Variants in ATP2A2 observed in about 807,000 individuals in gnomAD.
ATP2A2 encodes ATPase sarcoplasmic/endoplasmic reticulum Ca2+ transporting 2, also known as sarcoplasmic/endoplasmic reticulum calcium ATPase 2.
Under a neutral mutation model 109.3 loss-of-function variants are expected in ATP2A2, and 14 were observed. The observed-to-expected ratio is 0.13, with a 90% confidence interval of 0.08 to 0.20. The LOEUF (loss-of-function observed/expected upper bound fraction) is 0.20. Ranked by LOEUF, ATP2A2 falls within the 10% of genes least tolerant of loss-of-function variation. The pLI is 1.00. For missense variants in ATP2A2, 657 were observed against 1,321.6 expected (o/e 0.50, Z 7.80); for synonymous variants, 506 against 490.9 (o/e 1.03, Z -0.41).
At position 110,342,818 on chromosome 12, in the gene ATP2A2, C is replaced by T. The variant is rs1414476764; in HGVS notation, c.2318+370C>T. Among the ~76,000 whole-genome samples, 1 of 152,092 alleles carries T rather than the reference C, an allele frequency of 6.6e-6. No individual in the cohort carries two copies. The highest frequency in any genetic ancestry group is 2.4e-5 in the African/African-American group (1 of 41,406). ...GTCGCCCAGGCTTCGGGCAGTGGCA[C>T]GATCTCAGCTCACTGTCCCCTCCAC... On this transcript the variant is annotated intron_variant, in intron 15 of 19. Transcript: ENST00000539276. The surrounding 1 kb of genome is among the most constrained non-coding windows in gnomAD (Gnocchi z 4.6).
chr12:110,350,334 T>A lies in ATP2A2; in HGVS notation c.*3864T>A, dbSNP rs138115063. The stretch of plus-strand genomic sequence containing the variant: ...CTTCCTAAACCATTTTGCAGAAATG[T>A]AAGGGTGTTCGGTTGCGTGCATGTG... On this transcript the variant is annotated 3_prime_UTR_variant, in exon 20 of 20. Transcript: ENST00000539276. 2.0e-4 allele frequency: 322 copies of A among 1,614,172 alleles called. No homozygotes were observed. The African/African-American group carries it at 4.0e-3, about 20-fold the overall frequency.
At chr12:110,304,519 C>T (rs1444891680) in intron 5 of ATP2A2, among the ~76,000 whole-genome samples, 1 of 152,134 alleles carries the variant, frequency 6.6e-6, no homozygotes, top group Non-Finnish European at 1.5e-5. Flanking sequence ...ACGTCCGTTT[C>T]CCTAATTTCT....
rs1880154703 is a variant in ATP2A2, at chr12:110,349,063, C to G, written c.*2593C>G. On this transcript the variant is annotated 3_prime_UTR_variant, in exon 20 of 20. Transcript: ENST00000539276. The stretch of plus-strand genomic sequence containing the variant: ...TTTCTCAGCTTCAGACCCCTCCAGC[C>G]CACAGAGGAGCCCATGGAGGGACCC... 1.0e-6 allele frequency: 1 copy of G among 985,400 alleles called. No homozygotes were observed. Among genetic ancestry groups the G allele is most frequent in the Non-Finnish European group, 1.2e-6 (1 of 830,018 alleles). 61.0% of individuals were successfully genotyped at this position (985,400 alleles called of 1,614,324 possible).
chr12:110,316,685 G>A (rs867909178), intron 5 of ATP2A2, among the ~76,000 whole-genome samples: 2 of 152,158 alleles, frequency 1.3e-5, no homozygotes, highest in South Asian at 4.1e-4. Flanking sequence ...AAGACCATGC[G>A]AGTGTAAGGA....
At chr12:110,297,618 T>C (rs1466892197) in intron 5 of ATP2A2, among the ~76,000 whole-genome samples, 3 of 151,770 alleles carry the variant, frequency 2.0e-5, no homozygotes, top group Non-Finnish European at 4.4e-5. Flanking sequence ...TTTTTTGTTT[T>C]GTTTTGTTTT....
intron 4 of ATP2A2, 68 bp from the exon 5 acceptor site, chr12:110,296,531 T>A: frequency 1.3e-6 from 2 of 1,596,902 alleles, no homozygotes. Context: ...TAACATTTTA[T>A]TCCTTGGGTT....
rs1418266007 is a variant in ATP2A2, at chr12:110,349,801, G to C, written c.*3331G>C. ...CCGCTGCAGTTAGCAAGAAGGGTAG[G>C]CTTCACCCTCCTTTACTGAGGAGAA... On this transcript the variant is annotated 3_prime_UTR_variant, in exon 20 of 20. Coordinates refer to ENST00000539276, the MANE Select transcript of ATP2A2 (RefSeq NM_170665.4). 1 of 1,023,072 alleles carries C rather than the reference G, an allele frequency of 9.8e-7. No homozygotes were observed. Among genetic ancestry groups the C allele is most frequent in the Admixed American group, 5.0e-5 (1 of 19,828 alleles). 63.4% of individuals were successfully genotyped at this position (1,023,072 alleles called of 1,614,324 possible).
chr12:110,344,776 C>T, intron 16 of ATP2A2, 110 bp from the exon 17 acceptor site: 1 of 1,071,312 alleles, frequency 9.3e-7, no homozygotes, highest in African/African-American at 1.5e-5. Context: ...CGGTTACCAT[C>T]ACTGTCCCAT....
chr12:110,290,644 G>T (rs1020094640), intron 3 of ATP2A2, among the ~76,000 whole-genome samples: 4 of 152,096 alleles, frequency 2.6e-5, no homozygotes, highest in African/African-American at 4.8e-5. Context: ...TTGCTCTAAC[G>T]CCCAGGCTGG....
chr12:110,299,736 C>T (rs548935296), intron 5 of ATP2A2, among the ~76,000 whole-genome samples: 41 of 152,306 alleles, frequency 2.7e-4, no homozygotes, highest in Non-Finnish European at 5.6e-4. Context: ...TCTCCCACCT[C>T]AGTCTCCTGA....
chr12:110,347,721 C>G lies in ATP2A2; in HGVS notation c.*1251C>G. ...GCATGTTCGAGATGAGTCTCACCAA[C>G]AGTGTGTAAGTCATTAACAGTCCTA... On this transcript the variant is annotated 3_prime_UTR_variant, in exon 20 of 20. Transcript: ENST00000539276. 8.6e-7 allele frequency: 1 copy of G among 1,160,258 alleles called. No homozygotes were observed. Among genetic ancestry groups the G allele is most frequent in the Non-Finnish European group, 1.1e-6 (1 of 927,160 alleles). The allele number at this position is 1,160,258 out of a possible 1,614,324, so 71.9% of individuals were successfully genotyped here.
chr12:110,305,324 G>C (rs1326014211), intron 5 of ATP2A2, among the ~76,000 whole-genome samples: 1 of 152,162 alleles, frequency 6.6e-6, no homozygotes, highest in African/African-American at 2.4e-5. Context: ...GATGACTTGA[G>C]CCCAAGAGTG....
rs763778169 is a variant in ATP2A2, at chr12:110,282,812, T to G, written c.219+17T>G. 5 of 1,593,742 alleles carry G rather than the reference T, an allele frequency of 3.1e-6. No homozygotes were observed. The East Asian group carries it at 1.1e-4, about 36-fold the overall frequency. ...ATATCTTTTGTAAGTATAAAAAAATTTATTTTCTTTCCCCCCAAAAGCTGA... is the reference window on the plus strand; with the variant it reads ...ATATCTTTTGTAAGTATAAAAAAATGTATTTTCTTTCCCCCCAAAAGCTGA... On this transcript the variant is annotated intron_variant, in intron 3 of 19. Transcript: ENST00000539276.
intron 4 of ATP2A2, among the ~76,000 whole-genome samples, chr12:110,292,742 G>A (rs771974342): frequency 6.6e-6 from 1 of 152,106 alleles, no homozygotes; most frequent in African/African-American, 2.4e-5. Flanking sequence ...AGCCATGATC[G>A]TAACACTGCA....
At chr12:110,318,478 G>C (rs991342417) in intron 5 of ATP2A2, among the ~76,000 whole-genome samples, 3 of 152,080 alleles carry the variant, frequency 2.0e-5, no homozygotes, top group African/African-American at 7.2e-5. Context: ...GAATATGGCA[G>C]GTTCGTTGGT....
intron 5 of ATP2A2, among the ~76,000 whole-genome samples, chr12:110,297,457 A>G (rs1419829699): frequency 2.0e-5 from 3 of 150,626 alleles, no homozygotes; most frequent in Non-Finnish European, 4.4e-5. Flanking sequence ...AAAAAACAGT[A>G]TGCTTAAAAA....
At chr12:110,326,869 T>G (rs1050837639) in intron 7 of ATP2A2, among the ~76,000 whole-genome samples, 1 of 152,202 alleles carries the variant, frequency 6.6e-6, no homozygotes, top group Admixed American at 6.5e-5. Flanking sequence ...GGCAAACCAT[T>G]AATAATGGTG....
intron 16 of ATP2A2, among the ~76,000 whole-genome samples, chr12:110,344,277 G>C (rs547923408): frequency 1.3e-5 from 2 of 152,100 alleles, no homozygotes; most frequent in Non-Finnish European, 2.9e-5. Context: ...TATTTGCCTC[G>C]TCTGAACTCT....
At chr12:110,294,663 C>T (rs140879759) in intron 4 of ATP2A2, among the ~76,000 whole-genome samples, 2,092 of 152,022 alleles carry the variant, frequency 0.014, 26 homozygotes, top group Middle Eastern at 0.027. Context: ...AAAAAAGATT[C>T]GAGTTTTTAA....
Sources: allele counts gnomAD v4.1 joint callset (sites outside exome capture counted in the v4.1 genomes callset), GRCh38; gene constraint gnomAD v4.1.1; non-coding constraint Gnocchi (gnomAD v3.1); transcripts MANE v1.5; gene names NCBI Gene and HGNC (gene_info 2026-07-23, HGNC 2026-07-21).